The following TMPRSS15 variants were observed in gnomAD, a reference collection of about 807,000 sequenced individuals.
The protein encoded by TMPRSS15 is enteropeptidase.
Under a neutral mutation model 125.3 loss-of-function variants are expected in TMPRSS15, and 128 were observed. The ratio of observed to expected loss-of-function variants is 1.02; its 90% CI spans 0.89 to 1.18. The LOEUF (loss-of-function observed/expected upper bound fraction) is 1.18. Ranked by LOEUF, TMPRSS15 falls within the 50% of genes most tolerant of loss-of-function variation. The pLI, the probability that TMPRSS15 is intolerant of heterozygous loss-of-function variation, is 0.00. For missense variants in TMPRSS15, 1,283 were observed against 1,212.7 expected (o/e 1.06, Z -0.86); for synonymous variants, 446 against 423.2 (o/e 1.05, Z -0.66).
intron 4 of TMPRSS15, among the ~76,000 whole-genome samples, chr21:18,382,710 T>A (rs2123053688): frequency 6.6e-6 from 1 of 152,202 alleles, no homozygotes; most frequent in East Asian, 1.9e-4. Flanking sequence ...ATCCAAAAAT[T>A]TCTGAATTCC....
chr21:18,343,391 GAA>G lies in TMPRSS15; in HGVS notation c.1428+113_1428+114del, dbSNP rs541140717. The G allele has an allele frequency of 6.0e-4, 604 of 1,003,348 alleles. 12 individuals are homozygous for G. The South Asian group carries it at 9.3e-3, about 15-fold the overall frequency. The allele number at this position is 1,003,348 out of a possible 1,614,324, so 62.2% of individuals were successfully genotyped here. A position where few individuals can be genotyped will look rare whatever the true frequency, so the allele number is the denominator to read the frequency against. On this transcript the variant is annotated intron_variant, in intron 12 of 24. Coordinates refer to ENST00000284885, the MANE Select transcript of TMPRSS15 (RefSeq NM_002772.3). ...ATGTGAGGTAGATTGGGCAAGTAGAGAAAGTGACTTGATTATCTTCAGAAAAT... is the reference window on the plus strand; with the variant it reads ...ATGTGAGGTAGATTGGGCAAGTAGAGAGTGACTTGATTATCTTCAGAAAAT...
intron 22 of TMPRSS15, among the ~76,000 whole-genome samples, chr21:18,280,410 A>G (rs1357335178): frequency 6.6e-6 from 1 of 151,942 alleles, no homozygotes; most frequent in Admixed American, 6.6e-5. Flanking sequence ...CCCCATCTCT[A>G]CTAAAAATAC....
chr21:18,368,446 T>C (rs879797893), intron 6 of TMPRSS15, among the ~76,000 whole-genome samples: 3 of 152,208 alleles, frequency 2.0e-5, no homozygotes, highest in Admixed American at 2.0e-4. Flanking sequence ...TTTCCAAATA[T>C]GGTTTCTGAA....
chr21:18,310,524 G>T (rs1340265924), intron 18 of TMPRSS15, among the ~76,000 whole-genome samples: 2 of 151,738 alleles, frequency 1.3e-5, no homozygotes, highest in Non-Finnish European at 2.9e-5. Flanking sequence ...CCTCTTCAAG[G>T]AAAACTGTAA....
At chr21:18,390,308 TA>T (rs2075980005) in intron 3 of TMPRSS15, among the ~76,000 whole-genome samples, 1 of 152,186 alleles carries the variant, frequency 6.6e-6, no homozygotes, top group Non-Finnish European at 1.5e-5. Context: ...ACTGTATAAT[TA>T]TTTTTATAGC....
At chr21:18,423,316 G>A (rs2076196034) in intron 1 of TMPRSS15, among the ~76,000 whole-genome samples, 1 of 151,944 alleles carries the variant, frequency 6.6e-6, no homozygotes, top group African/African-American at 2.4e-5. Flanking sequence ...CCTTGTTAGT[G>A]ACCTTTCTCT....
At chr21:18,465,430 G>A (rs1978640344) in intron 1 of TMPRSS15, among the ~76,000 whole-genome samples, 1 of 152,104 alleles carries the variant, frequency 6.6e-6, no homozygotes, top group Non-Finnish European at 1.5e-5. Flanking sequence ...GCAAGAGAAA[G>A]GAATAAAGGG....
At chr21:18,449,461 A>G (rs142360854) in intron 1 of TMPRSS15, among the ~76,000 whole-genome samples, 3 of 152,166 alleles carry the variant, frequency 2.0e-5, no homozygotes, top group Admixed American at 2.0e-4. Flanking sequence ...TCTTTTTTAA[A>G]TTGTGTAACT....
chr21:18,411,952 C>T (rs1184938814), intron 1 of TMPRSS15, among the ~76,000 whole-genome samples: 2 of 152,122 alleles, frequency 1.3e-5, no homozygotes, highest in African/African-American at 4.8e-5. Flanking sequence ...GGAAAGATTG[C>T]TTTTTCCTCG....
intron 3 of TMPRSS15, among the ~76,000 whole-genome samples, chr21:18,396,830 C>CTATCTATCTATCTATCTATCTATCT (rs1555909758): frequency 2.0e-4 from 29 of 144,990 alleles, no homozygotes; most frequent in African/African-American, 6.4e-4. Flanking sequence ...ATCTATCTAT[C>CTATCTATCTATCTATCTATCTATCT]TATCTATCTA....
rs749506886 is a variant in TMPRSS15, at chr21:18,315,231, T to A, written c.1947A>T (p.Gln649His). 1 of 1,613,460 alleles carries A rather than the reference T, an allele frequency of 6.2e-7. No homozygotes were observed. The highest frequency in any genetic ancestry group is 8.5e-7 in the Non-Finnish European group (1 of 1,179,680). Residue 649 changes from glutamine to histidine, a missense_variant, in exon 17 of 25, where the codon CAA (glutamine) becomes CAT (histidine). Physicochemically the swap from Gln to His is conservative, Grantham distance 24. Coordinates refer to ENST00000284885, the MANE Select transcript of TMPRSS15 (RefSeq NM_002772.3). ...IPEPCKADHF[Q>H]CKNGECVPLV... ...GTGGAACACACTCTCCATTTTTACA[T>A]TGAAAATGGTCTGCCTTGCATGGCT...
At position 18,379,182 on chromosome 21, in the gene TMPRSS15, T is replaced by C. The variant is rs185780325; in HGVS notation, c.532+101A>G. ...TTTCTTGTCTATAAAATAGGCACAA[T>C]ATTTATTGCTAAGGCACCAGAGACT... On this transcript the variant is annotated intron_variant, in intron 5 of 24. Transcript: ENST00000284885. 1.7e-3 allele frequency: 798 copies of C among 469,230 alleles called. 16 individuals are homozygous for C. In the Admixed American group the frequency reaches 0.025, roughly 15 times the overall value. 29.1% of individuals were successfully genotyped at this position (469,230 alleles called of 1,614,324 possible).
At chr21:18,343,856 C>G (rs906109749) in intron 11 of TMPRSS15, 99 bp downstream of exon 11, 1 of 1,289,028 alleles carries the variant, frequency 7.8e-7, no homozygotes, top group Non-Finnish European at 1.1e-6. Flanking sequence ...TGCATTAAAA[C>G]TTTAGCCAAC....
intron 1 of TMPRSS15, among the ~76,000 whole-genome samples, chr21:18,451,590 T>C (rs571627710): frequency 2.6e-5 from 4 of 152,312 alleles, no homozygotes; most frequent in Admixed American, 2.6e-4. Context: ...AGAAGAGCCC[T>C]GTGTGCTTAC....
At chr21:18,414,053 A>C (rs2076174242) in intron 1 of TMPRSS15, among the ~76,000 whole-genome samples, 1 of 152,238 alleles carries the variant, frequency 6.6e-6, no homozygotes, top group African/African-American at 2.4e-5. Context: ...TTCAGCATAG[A>C]AATATTATAG....
At chr21:18,355,980 A>G (rs922450915) in intron 8 of TMPRSS15, among the ~76,000 whole-genome samples, 1 of 151,870 alleles carries the variant, frequency 6.6e-6, no homozygotes, top group African/African-American at 2.4e-5. Context: ...GAAAAAGAAA[A>G]CAATTACCTA....
intron 3 of TMPRSS15, among the ~76,000 whole-genome samples, chr21:18,390,217 A>C (rs2075979423): frequency 6.6e-6 from 1 of 152,182 alleles, no homozygotes; most frequent in Non-Finnish European, 1.5e-5. Flanking sequence ...TTCACACAGT[A>C]ACATGCCTGT....
At chr21:18,416,746 T>G (rs1421782281) in intron 1 of TMPRSS15, among the ~76,000 whole-genome samples, 1 of 152,080 alleles carries the variant, frequency 6.6e-6, no homozygotes, top group Non-Finnish European at 1.5e-5. Context: ...CTTTTGACTT[T>G]CTTTATCTTT....
At chr21:18,289,513 A>C (rs1449357049) in intron 21 of TMPRSS15, among the ~76,000 whole-genome samples, 2 of 152,244 alleles carry the variant, frequency 1.3e-5, no homozygotes, top group African/African-American at 4.8e-5. Context: ...ACTCTGTCTC[A>C]ATAAATAAAT....
Sources: allele counts gnomAD v4.1 joint callset (sites outside exome capture counted in the v4.1 genomes callset), GRCh38; gene constraint gnomAD v4.1.1; transcripts MANE v1.5; gene names NCBI Gene and HGNC (gene_info 2026-07-23, HGNC 2026-07-21).